Variants in LCK observed in about 807,000 individuals in gnomAD.
LCK encodes LCK proto-oncogene, Src family tyrosine kinase.
In LCK, 14 loss-of-function variants were observed where a neutral mutation model predicts 64.6. The ratio of observed to expected loss-of-function variants is 0.22; its 90% CI spans 0.14 to 0.34. The LOEUF is 0.34. Ranked by LOEUF, LCK falls within the 10% of genes least tolerant of loss-of-function variation. LCK has a pLI of 1.00. For missense variants in LCK, 434 were observed against 668.1 expected (o/e 0.65, Z 3.86); for synonymous variants, 277 against 263.6 (o/e 1.05, Z -0.49).
chr1:32,275,067 C>A lies in LCK; in HGVS notation c.262C>A (p.Leu88Ile). 1 of 1,612,280 alleles carries A rather than the reference C, an allele frequency of 6.2e-7. No homozygotes were observed. Among genetic ancestry groups the A allele is most frequent in the Non-Finnish European group, 8.5e-7 (1 of 1,178,620 alleles). Residue 88 changes from leucine to isoleucine, a missense_variant, in exon 4 of 13, where the codon CTC (leucine) becomes ATC (isoleucine). By Grantham distance (5) the Leu-to-Ile change is conservative. Transcript: ENST00000336890. This position sits in a 1 kb window ranked among gnomAD's most constrained non-coding sequence, Gnocchi z 6.9. ...GDLGFEKGEQ[L>I]RILEQSGEWW... is the part of the protein sequence containing the mutation. ...TCTGGGCTTTGAGAAGGGGGAACAG[C>A]TCCGCATCCTGGAGCAGTGAGTCCC...
In LCK at chr1:32,251,904, G is replaced by C. The variant is rs1639515538; in HGVS notation, c.-6+533G>C. Among the ~76,000 whole-genome samples the C allele has an allele frequency of 7.1e-6, 1 of 141,720 alleles. No homozygotes were observed. Among genetic ancestry groups the C allele is most frequent in the South Asian group, 2.1e-4 (1 of 4,748 alleles). The allele number at this position is 141,720 out of a possible 152,430, so 93.0% of individuals were successfully genotyped here. On this transcript the variant is annotated intron_variant, in intron 1 of 12. Transcript: ENST00000336890. The surrounding 1 kb of genome is among the most constrained non-coding windows in gnomAD (Gnocchi z 4.0). Reference sequence around the variant, plus strand: ...AAGAATCTCCTGAGAAAGAGAGAGAGAGAGAGAGAGAGAGAGAGAGAGAGA... The same window carrying C: ...AAGAATCTCCTGAGAAAGAGAGAGACAGAGAGAGAGAGAGAGAGAGAGAGA...
rs751220552 is a variant in LCK, at chr1:32,276,726, C to A, written c.904C>A (p.Arg302=). The change falls in exon 9 of 13, where the codon CGG becomes AGG. Residue 302 remains arginine (R), a synonymous_variant. Transcript: ENST00000336890. This position sits in a 1 kb window ranked among gnomAD's most constrained non-coding sequence, Gnocchi z 4.6. ...MKQLQHQRLV[R]LYAVVTQEPI... Reference sequence around the variant, plus strand: ...GCAGCTGCAACACCAGCGGCTGGTTCGGCTCTACGCTGTGGTCACCCAGGA... The same window carrying A: ...GCAGCTGCAACACCAGCGGCTGGTTAGGCTCTACGCTGTGGTCACCCAGGA... 2 of 1,613,914 alleles carry A rather than the reference C, an allele frequency of 1.2e-6. No homozygotes were observed. The highest frequency in any genetic ancestry group is 1.7e-6 in the Non-Finnish European group (2 of 1,179,956).
rs1640250578 is a variant in LCK, at chr1:32,275,855, G to A, written c.482-59G>A. On this transcript the variant is annotated intron_variant, in intron 6 of 12. Coordinates refer to ENST00000336890, the MANE Select transcript of LCK (RefSeq NM_005356.5). This position sits in a 1 kb window ranked among gnomAD's most constrained non-coding sequence, Gnocchi z 6.9. ...TGGGTGAGCCCAAGGTGGGGGCGCG[G>A]TGGCGGGCCAGACTCACTGCGTTCT... is the stretch of plus-strand genomic sequence containing the variant. 6.3e-7 allele frequency: 1 copy of A among 1,596,598 alleles called. No homozygotes were observed. The highest frequency in any genetic ancestry group is 1.1e-5 in the South Asian group (1 of 89,376).
chr1:32,263,405 A>T (rs1187405302), intron 1 of LCK, among the ~76,000 whole-genome samples: 16 of 68,190 alleles, frequency 2.3e-4, no homozygotes, highest in African/African-American at 1.7e-3. Flanking sequence ...AATAAATAAA[A>T]TAAATAAATA....
intron 1 of LCK, among the ~76,000 whole-genome samples, chr1:32,266,598 C>T (rs1639917339): frequency 6.7e-6 from 1 of 149,948 alleles, no homozygotes; most frequent in African/African-American, 2.5e-5. Flanking sequence ...CCTCCTCCTC[C>T]TCCTCCGCCA....
Position 32,285,954 on chromosome 1 carries a change from C to T in LCK, c.*238C>T. ...TATGTCTTGGACACTGTACAAGGTACCCCTTTCTGGCTCTCCCATTTCCTG... is the reference window on the plus strand; with the variant it reads ...TATGTCTTGGACACTGTACAAGGTATCCCTTTCTGGCTCTCCCATTTCCTG... On this transcript the variant is annotated 3_prime_UTR_variant, in exon 13 of 13. Coordinates refer to ENST00000336890, the MANE Select transcript of LCK (RefSeq NM_005356.5). 1 of 530,246 alleles carries T rather than the reference C, an allele frequency of 1.9e-6. No homozygotes were observed. The highest frequency in any genetic ancestry group is 3.0e-5 in the East Asian group (1 of 33,742). The allele number at this position is 530,246 out of a possible 1,614,324, so 32.8% of individuals were successfully genotyped here. A position where few individuals can be genotyped will look rare whatever the true frequency, so the allele number is the denominator to read the frequency against.
chr1:32,252,711 G>A (rs1274278137), intron 1 of LCK, among the ~76,000 whole-genome samples: 1 of 152,188 alleles, frequency 6.6e-6, no homozygotes, highest in African/African-American at 2.4e-5. Context: ...AAGAGAGAAG[G>A]GCCAAGTGGA....
In LCK at chr1:32,270,168, C is replaced by T. The variant is rs184331888; in HGVS notation, c.-5-4157C>T. Reference sequence around the variant, plus strand: ...GTCACCCAAGTTGGAGTGAACAGTGCGGTGGCAGTGGCAGGATCTAGGCTC... The same window carrying T: ...GTCACCCAAGTTGGAGTGAACAGTGTGGTGGCAGTGGCAGGATCTAGGCTC... On this transcript the variant is annotated intron_variant, in intron 1 of 12. Transcript: ENST00000336890. Among the ~76,000 whole-genome samples, 5 of 150,750 alleles carry T rather than the reference C, an allele frequency of 3.3e-5. No individual in the cohort carries two copies. In the East Asian group the frequency reaches 5.9e-4, roughly 18 times the overall value.
At chr1:32,285,426 A>G in intron 12 of LCK, 88 bp from the exon 13 acceptor site, 1 of 1,169,048 alleles carries the variant, frequency 8.6e-7, no homozygotes, top group Non-Finnish European at 1.3e-6. Context: ...TGGTGCTCAC[A>G]CTGTGCCAGT....
At position 32,276,796 on chromosome 1, in the gene LCK, AC is replaced by A; in HGVS notation, c.964+13del. 7.0e-6 allele frequency: 11 copies of A among 1,581,384 alleles called. No homozygotes were observed. Among genetic ancestry groups the A allele is most frequent in the Non-Finnish European group, 9.5e-6 (11 of 1,158,582 alleles). Reference sequence around the variant, plus strand: ...GAATACATGGAGAATGGTGGGTGCTACCCGAGTCGGCTACCAGGGGATACTG... The same window carrying A: ...GAATACATGGAGAATGGTGGGTGCTACCGAGTCGGCTACCAGGGGATACTG... On this transcript the variant is annotated intron_variant, in intron 9 of 12. Coordinates refer to ENST00000336890, the MANE Select transcript of LCK (RefSeq NM_005356.5). This position sits in a 1 kb window ranked among gnomAD's most constrained non-coding sequence, Gnocchi z 4.6.
At chr1:32,267,630 T>A (rs1486172430) in intron 1 of LCK, among the ~76,000 whole-genome samples, 1 of 152,076 alleles carries the variant, frequency 6.6e-6, no homozygotes, top group Non-Finnish European at 1.5e-5. Flanking sequence ...GCATGGTGGC[T>A]CATGCCTGTA....
Position 32,283,017 on chromosome 1 carries a change from C to T in LCK, c.1328-2497C>T, listed in dbSNP as rs533028873. On this transcript the variant is annotated intron_variant, in intron 12 of 12. Transcript: ENST00000336890. ...TTAAAATGTGAGAGTCCCAGCCAGG[C>T]GTGGTGGGTCACGCCTGCAACCCAG... Among the ~76,000 whole-genome samples the T allele has an allele frequency of 5.9e-5, 9 of 151,264 alleles. No homozygotes were observed. In the East Asian group the frequency reaches 1.4e-3, roughly 23 times the overall value.
At chr1:32,274,881 C>G (rs769499563) in intron 3 of LCK, 63 bp downstream of exon 3, 1 of 1,613,722 alleles carries the variant, frequency 6.2e-7, no homozygotes, top group Non-Finnish European at 8.5e-7. Flanking sequence ...TGGCTTCCAC[C>G]TCTCCCCCAC....
Position 32,276,291 on chromosome 1 carries a change from G to A in LCK, c.632-46G>A, listed in dbSNP as rs181114741. 4.8e-5 allele frequency: 73 copies of A among 1,526,216 alleles called. No homozygotes were observed. The South Asian group carries it at 6.9e-4, about 14-fold the overall frequency. The allele number at this position is 1,526,216 out of a possible 1,614,324, so 94.5% of individuals were successfully genotyped here. ...GAAGTGGGGGAGGTGGTGTCAATAC[G>A]AGGCCTGCCCTATTGACAGCCTTCA... On this transcript the variant is annotated intron_variant, in intron 7 of 12. Coordinates refer to ENST00000336890, the MANE Select transcript of LCK (RefSeq NM_005356.5). This position sits in a 1 kb window ranked among gnomAD's most constrained non-coding sequence, Gnocchi z 4.6.
At chr1:32,261,652 CAAAAAAAA>C (rs1227702959) in intron 1 of LCK, among the ~76,000 whole-genome samples, 30 of 64,346 alleles carry the variant, frequency 4.7e-4, no homozygotes, top group Admixed American at 2.6e-3. Flanking sequence ...TCCTCTGTCT[CAAAAAAAA>C]AAAAAAAAAA....
At chr1:32,254,027 A>C (rs981761631) in intron 1 of LCK, among the ~76,000 whole-genome samples, 1 of 152,162 alleles carries the variant, frequency 6.6e-6, no homozygotes, top group African/African-American at 2.4e-5. Flanking sequence ...CAATTCAGTG[A>C]AAGTAATTCT....
chr1:32,276,150 C>A lies in LCK; in HGVS notation c.631+87C>A. On this transcript the variant is annotated intron_variant, in intron 7 of 12. Transcript: ENST00000336890. The surrounding 1 kb of genome is among the most constrained non-coding windows in gnomAD (Gnocchi z 4.6). ...GGTGTCCCCCATCCATCTTTCAATG[C>A]CCTACTCCATTCCCCGCAGTGGGTG... 6.6e-7 allele frequency: 1 copy of A among 1,524,852 alleles called. No homozygotes were observed. The highest frequency in any genetic ancestry group is 9.0e-7 in the Non-Finnish European group (1 of 1,110,250). 94.5% of individuals were successfully genotyped at this position (1,524,852 alleles called of 1,614,324 possible). A position where few individuals can be genotyped will look rare whatever the true frequency, so the allele number is the denominator to read the frequency against.
chr1:32,272,623 A>AAGAG (rs145594259), intron 1 of LCK, among the ~76,000 whole-genome samples: 38 of 123,144 alleles, frequency 3.1e-4, no homozygotes, highest in Admixed American at 5.5e-4. Context: ...GAGAGAGAGA[A>AAGAG]AGAGAGAGAG....
chr1:32,272,127 T>C (rs1640093387), intron 1 of LCK, among the ~76,000 whole-genome samples: 4 of 148,212 alleles, frequency 2.7e-5, no homozygotes, highest in African/African-American at 1.0e-4. Flanking sequence ...CTACTAAAAA[T>C]ACAAAAGTTA....
Sources: allele counts gnomAD v4.1 joint callset (sites outside exome capture counted in the v4.1 genomes callset), GRCh38; gene constraint gnomAD v4.1.1; non-coding constraint Gnocchi (gnomAD v3.1); transcripts MANE v1.5; gene names NCBI Gene and HGNC (gene_info 2026-07-23, HGNC 2026-07-21).